LRP1B: variants seen among roughly 807,000 people sequenced by gnomAD.
LRP1B encodes LDL receptor related protein 1B, also known as low-density lipoprotein receptor-related protein 1B.
A neutral mutation model predicts 556.6 loss-of-function variants in LRP1B; 217 were observed. The observed-to-expected ratio is 0.39, with a 90% confidence interval of 0.35 to 0.44. The LOEUF (loss-of-function observed/expected upper bound fraction) is 0.44, where lower values mean the gene tolerates loss of function less well. LRP1B is among the 20% of genes least tolerant of loss of function. LRP1B has a pLI of 1.00. For missense variants in LRP1B, 5,053 were observed against 5,620.8 expected, an observed-to-expected ratio of 0.90 and a Z score of 3.23; for synonymous variants, 2,047 against 1,865.8, an observed-to-expected ratio of 1.10 and a Z score of -2.50.
At chr2:141,183,673 A>C (rs1681111877) in intron 7 of LRP1B, among the ~76,000 whole-genome samples, 1 of 152,042 alleles carries the variant, frequency 6.6e-6, no homozygotes, top group South Asian at 2.1e-4. Context: ...TCCCACACAG[A>C]AATAAGGGTA....
intron 1 of LRP1B, among the ~76,000 whole-genome samples, chr2:142,024,118 G>A (rs959796720): frequency 1.3e-5 from 2 of 152,208 alleles, no homozygotes; most frequent in African/African-American, 2.4e-5. Flanking sequence ...GTGAATGAAA[G>A]GAGTTTGCCT....
intron 1 of LRP1B, among the ~76,000 whole-genome samples, chr2:141,927,896 G>C (rs1478411804): frequency 1.0e-5 from 1 of 97,168 alleles, no homozygotes; most frequent in African/African-American, 4.2e-5. Context: ...ACTCCAACTT[G>C]GCTTTACAAA....
chr2:141,435,771 T>G (rs1680741179), intron 3 of LRP1B, among the ~76,000 whole-genome samples: 1 of 152,198 alleles, frequency 6.6e-6, no homozygotes, highest in South Asian at 2.1e-4. Context: ...CTTGGCACAC[T>G]GTGCCTGAAG....
chr2:141,082,860 G>A (rs1004125657), intron 7 of LRP1B, among the ~76,000 whole-genome samples: 3 of 152,288 alleles, frequency 2.0e-5, no homozygotes, highest in African/African-American at 7.2e-5. Context: ...ACAACTCATT[G>A]TGACCATCTT....
intron 2 of LRP1B, among the ~76,000 whole-genome samples, chr2:141,761,701 C>T (rs576554959): frequency 2.6e-5 from 4 of 152,244 alleles, no homozygotes; most frequent in Admixed American, 6.5e-5. Context: ...TATTCCTAAG[C>T]CACATTTTCA....
At chr2:142,122,608 A>T (rs1707496698) in intron 1 of LRP1B, among the ~76,000 whole-genome samples, 1 of 152,050 alleles carries the variant, frequency 6.6e-6, no homozygotes, top group Non-Finnish European at 1.5e-5. Context: ...CTGAATTCTG[A>T]GTTAGTAATT....
chr2:142,123,402 C>T (rs1189533892), intron 1 of LRP1B, among the ~76,000 whole-genome samples: 1 of 151,896 alleles, frequency 6.6e-6, no homozygotes, highest in Non-Finnish European at 1.5e-5. Flanking sequence ...AAGGGATGTC[C>T]TATTGATTGC....
In LRP1B at chr2:140,413,037, C is replaced by T. The variant is rs145828776; in HGVS notation, c.10415-27028G>A. On this transcript the variant is annotated intron_variant, in intron 66 of 90. Transcript: ENST00000389484. ...TTTTAAGAAAACACTCTATAATCTA[C>T]AAAATATCGTAATAAAAATGGGTTT... 4.1e-4 allele frequency among the ~76,000 whole-genome samples: 63 copies of T among 152,060 alleles called. 1 individual carries two copies. The highest frequency in any genetic ancestry group is 6.8e-3 in the Middle Eastern group (2 of 294).
chr2:141,260,409 G>A (rs941427174), intron 3 of LRP1B, among the ~76,000 whole-genome samples: 4 of 152,098 alleles, frequency 2.6e-5, no homozygotes, highest in Non-Finnish European at 4.4e-5. Flanking sequence ...AAATGTATGC[G>A]AGTATATGAT....
intron 84 of LRP1B, among the ~76,000 whole-genome samples, chr2:140,291,824 CA>C (rs1363593876): frequency 1.3e-5 from 2 of 152,076 alleles, no homozygotes; most frequent in Non-Finnish European, 2.9e-5. Flanking sequence ...GGTATATACC[CA>C]GTAATGGGAT....
rs2105155943 is a variant in LRP1B at position 140,868,116 on chromosome 2, T to C, written c.4317A>G (p.Ile1439Met). 6.2e-7 allele frequency: 1 copy of C among 1,600,348 alleles called. No individual in the cohort carries two copies. Among genetic ancestry groups the C allele is most frequent in the Non-Finnish European group, 8.5e-7 (1 of 1,175,644 alleles). ...TTTTAAACCTGGCGTCTGTCCACAC[T>C]ATCCTTTTCTCAAAGTGGTCCACAG... is the stretch of plus-strand genomic sequence containing the variant. ...GLTVDHFEKRIVWTDARSDAI... is the reference protein window; with the variant it reads ...GLTVDHFEKRMVWTDARSDAI... Residue 1439 changes from isoleucine to methionine, a missense_variant, in exon 26 of 91, where the codon ATA becomes ATG. By Grantham distance (10) the Ile-to-Met change is conservative. Transcript: ENST00000389484.
intron 3 of LRP1B, among the ~76,000 whole-genome samples, chr2:141,414,323 T>G (rs1466761803): frequency 4.4e-4 from 45 of 101,196 alleles, no homozygotes; most frequent in South Asian, 2.3e-3. Context: ...AAGAAAGAGA[T>G]AAAGAGAGAA....
intron 21 of LRP1B, among the ~76,000 whole-genome samples, chr2:140,911,065 C>T (rs1250054426): frequency 6.6e-6 from 1 of 151,748 alleles, no homozygotes; most frequent in Non-Finnish European, 1.5e-5. Context: ...TGCATCCATA[C>T]ATTAAAGGTA....
intron 7 of LRP1B, among the ~76,000 whole-genome samples, chr2:141,170,077 C>T (rs1053165361): frequency 6.6e-6 from 1 of 151,934 alleles, no homozygotes; most frequent in African/African-American, 2.4e-5. Context: ...CTAAGTTAAC[C>T]CAATGATCCT....
intron 2 of LRP1B, among the ~76,000 whole-genome samples, chr2:141,533,960 G>A (rs1684980189): frequency 1.3e-5 from 2 of 152,024 alleles, no homozygotes; most frequent in African/African-American, 4.8e-5. Flanking sequence ...CATTATACCT[G>A]AAGGTTATAG....
chr2:140,324,604 T>G (rs1373003201), intron 80 of LRP1B, among the ~76,000 whole-genome samples: 2 of 152,040 alleles, frequency 1.3e-5, no homozygotes, highest in Admixed American at 6.6e-5. Context: ...TCATTCTTCA[T>G]CTGATTAGTT....
intron 3 of LRP1B, among the ~76,000 whole-genome samples, chr2:141,453,941 T>C (rs1278224555): frequency 6.6e-6 from 1 of 151,802 alleles, no homozygotes; most frequent in Admixed American, 6.6e-5. Flanking sequence ...AAAAAAGTTC[T>C]AGTGTTTATT....
chr2:140,517,637 T>TA (rs1491041894), intron 49 of LRP1B, among the ~76,000 whole-genome samples: 1 of 146,464 alleles, frequency 6.8e-6, no homozygotes, highest in Non-Finnish European at 1.6e-5. Context: ...ATTATATATA[T>TA]TTTTTAAATT....
At chr2:140,483,481 TGAAGC>T (rs1688322395) in intron 59 of LRP1B, among the ~76,000 whole-genome samples, 1 of 150,694 alleles carries the variant, frequency 6.6e-6, no homozygotes, top group African/African-American at 2.4e-5. Context: ...CATTAGAAAG[TGAAGC>T]ATATTGAATA....
Sources: gnomAD v4.1 joint callset for allele counts (sites outside exome capture counted in the v4.1 genomes callset) on GRCh38, gnomAD v4.1.1 for gene constraint, MANE v1.5 for transcripts, NCBI Gene and HGNC (gene_info 2026-07-23, HGNC 2026-07-21) for gene names.